Variants in SLC13A2 observed in about 807,000 individuals in gnomAD.
SLC13A2 encodes the protein Na(+)-coupled citrate transporter.
A neutral mutation model predicts 58.5 loss-of-function variants in SLC13A2; 40 were observed. The ratio of observed to expected loss-of-function variants is 0.68; its 90% CI spans 0.53 to 0.89. The LOEUF is 0.89. Ranked by LOEUF, SLC13A2 falls within the 40% of genes least tolerant of loss-of-function variation. The probability of loss-of-function intolerance (pLI) is 0.00; values close to 1 mark genes in which losing one functional copy is unlikely to be tolerated. For missense variants in SLC13A2, 694 were observed against 772.6 expected, an observed-to-expected ratio of 0.90 and a Z score of 1.21; for synonymous variants, 341 against 331.6, an observed-to-expected ratio of 1.03 and a Z score of -0.31.
In SLC13A2 at chr17:28,494,237, G is replaced by A. The variant is rs926067705; in HGVS notation, c.1186+132G>A. 1.1e-4 allele frequency: 165 copies of A among 1,496,512 alleles called. 3 individuals are homozygous for A. In the Admixed American group the frequency reaches 2.9e-3, roughly 27 times the overall value. The allele number at this position is 1,496,512 out of a possible 1,614,324, so 92.7% of individuals were successfully genotyped here. ...GCTGGAGCGACTTGCCAAGGGCACA[G>A]GGACTCGGAGACAAAGTTGAGATGT... is the stretch of plus-strand genomic sequence containing the variant. On this transcript the variant is annotated intron_variant, in intron 8 of 11. Transcript: ENST00000314669. The surrounding 1 kb of genome is among the most constrained non-coding windows in gnomAD (Gnocchi z 4.0).
chr17:28,485,510 A>G (rs2068863710), intron 1 of SLC13A2, among the ~76,000 whole-genome samples: 2 of 152,150 alleles, frequency 1.3e-5, no homozygotes, highest in Admixed American at 1.3e-4. Flanking sequence ...CTGTGTGCCT[A>G]AGAAGAAAAG....
chr17:28,482,176 T>TGCCCAGCTAA (rs2151448425), intron 1 of SLC13A2, among the ~76,000 whole-genome samples: 1 of 152,138 alleles, frequency 6.6e-6, no homozygotes, highest in East Asian at 1.9e-4. Flanking sequence ...CATGCCACCA[T>TGCCCAGCTAA]GCCCAGCTAA....
At chr17:28,497,020 G>A in intron 11 of SLC13A2, 79 bp from the exon 12 acceptor site, 1 of 1,485,116 alleles carries the variant, frequency 6.7e-7, no homozygotes, top group Non-Finnish European at 9.3e-7. Context: ...GAGGGCTCCT[G>A]TGCACCCCCA....
At position 28,496,580 on chromosome 17, in the gene SLC13A2, T is replaced by C. The variant is rs1555604700; in HGVS notation, c.1601T>C (p.Leu534Ser). 6.2e-7 allele frequency: 1 copy of C among 1,612,164 alleles called. No individual in the cohort carries two copies. Among genetic ancestry groups the C allele is most frequent in the Non-Finnish European group, 8.5e-7 (1 of 1,178,914 alleles). The change falls in exon 11 of 12, where the codon TTG (leucine) becomes TCG (serine). Residue 534 changes from leucine (L) to serine (S), a missense_variant. Leu to Ser is a moderately radical substitution (Grantham distance 145). Transcript: ENST00000314669. This position sits in a 1 kb window ranked among gnomAD's most constrained non-coding sequence, Gnocchi z 4.2. ...TTCTCTTTCGGGGACCTCAAAGTGTTGGATATGGTAAGTGGCAGGGAGGCC... is the reference window on the plus strand; with the variant it reads ...TTCTCTTTCGGGGACCTCAAAGTGTCGGATATGGTAAGTGGCAGGGAGGCC... ...IVFSFGDLKVLDMARAGFLLN... is the reference protein window; with the variant it reads ...IVFSFGDLKVSDMARAGFLLN...
chr17:28,485,861 GAC>G (rs1444794897), intron 1 of SLC13A2, among the ~76,000 whole-genome samples: 1 of 151,958 alleles, frequency 6.6e-6, no homozygotes, highest in Non-Finnish European at 1.5e-5. Flanking sequence ...TGGGCGTTGT[GAC>G]ACATGCCTGT....
intron 1 of SLC13A2, among the ~76,000 whole-genome samples, chr17:28,477,532 A>C (rs2068710197): frequency 6.6e-6 from 1 of 152,088 alleles, no homozygotes. Context: ...AGGAATGTGC[A>C]CACAGTGGAT....
chr17:28,496,479 C>A lies in SLC13A2; in HGVS notation c.1500C>A (p.Tyr500Ter). The A allele has an allele frequency of 6.2e-7, 1 of 1,610,886 alleles. No homozygotes were observed. The highest frequency in any genetic ancestry group is 8.5e-7 in the Non-Finnish European group (1 of 1,177,888). The change falls in exon 11 of 12, where the codon TAC (tyrosine) becomes TAA (stop). Residue 500 changes from tyrosine (Y) to a stop codon, truncating the protein, a stop_gained. Coordinates refer to ENST00000314669, the MANE Select transcript of SLC13A2 (RefSeq NM_003984.4). LOFTEE classifies it high-confidence loss of function. The surrounding 1 kb of genome is among the most constrained non-coding windows in gnomAD (Gnocchi z 4.2). ...MAQAICLHPL[Y>*]VMLPCTLATS... ...AGGCCATCTGCCTCCACCCTCTCTA[C>A]GTCATGCTCCCCTGCACTCTGGCCA...
intron 1 of SLC13A2, among the ~76,000 whole-genome samples, chr17:28,474,290 A>T (rs1305321804): frequency 6.6e-6 from 1 of 151,592 alleles, no homozygotes; most frequent in East Asian, 1.9e-4. Flanking sequence ...GAAGAGAAAG[A>T]GTTCACCTGT....
chr17:28,494,072 C>T lies in SLC13A2; in HGVS notation c.1153C>T (p.Pro385Ser), dbSNP rs45546232. Residue 385 changes from proline to serine, a missense_variant, in exon 8 of 12, where the codon CCC (proline) becomes TCC (serine). By Grantham distance (74) the Pro-to-Ser change is moderately conservative. Transcript: ENST00000314669. The surrounding 1 kb of genome is among the most constrained non-coding windows in gnomAD (Gnocchi z 4.0). ...CATCGGCATAATTATGTTCATCATACCCTCCAAGTTCCCAGGGCTGACCCA... is the reference window on the plus strand; with the variant it reads ...CATCGGCATAATTATGTTCATCATATCCTCCAAGTTCCCAGGGCTGACCCA... Reference protein sequence around the residue: ...IFIGIIMFIIPSKFPGLTQDP... With the variant: ...IFIGIIMFIISSKFPGLTQDP... 5.8e-5 allele frequency: 93 copies of T among 1,613,698 alleles called. No homozygotes were observed. In the East Asian group the frequency reaches 1.6e-3, roughly 27 times the overall value.
At chr17:28,476,426 A>G (rs2068672076) in intron 1 of SLC13A2, among the ~76,000 whole-genome samples, 1 of 151,840 alleles carries the variant, frequency 6.6e-6, no homozygotes, top group Non-Finnish European at 1.5e-5. Context: ...AAACAAACAA[A>G]AAAACCCTAC....
intron 1 of SLC13A2, among the ~76,000 whole-genome samples, chr17:28,483,829 A>C (rs1461970227): frequency 6.6e-6 from 1 of 152,224 alleles, no homozygotes; most frequent in Admixed American, 6.5e-5. Context: ...AGGTTAAGTA[A>C]CTTGCCCAAG....
intron 1 of SLC13A2, among the ~76,000 whole-genome samples, chr17:28,476,777 C>A (rs1436802898): frequency 6.6e-6 from 1 of 152,204 alleles, no homozygotes; most frequent in Middle Eastern, 3.2e-3. Flanking sequence ...TGGCTTCCTG[C>A]ACTAGAATGT....
chr17:28,490,184 G>A (rs1326797112), intron 2 of SLC13A2: 1 of 893,164 alleles, frequency 1.1e-6, no homozygotes, highest in Non-Finnish European at 1.6e-6. Context: ...TGAGGTGGGA[G>A]GATGGTTTGA....
chr17:28,474,156 C>T (rs893208401), intron 1 of SLC13A2, among the ~76,000 whole-genome samples: 4 of 152,230 alleles, frequency 2.6e-5, no homozygotes, highest in East Asian at 1.9e-4. Flanking sequence ...GGCTCCATGG[C>T]GGCTGAGATG....
intron 2 of SLC13A2, chr17:28,490,196 C>G: frequency 9.5e-7 from 1 of 1,056,456 alleles, no homozygotes; most frequent in Non-Finnish European, 1.3e-6. Flanking sequence ...ATGGTTTGAG[C>G]CAAGGAGGTG....
rs988869657 is a variant in SLC13A2, at chr17:28,494,493, C to A, written c.1289C>A (p.Ala430Asp). The A allele has an allele frequency of 1.9e-6, 3 of 1,613,918 alleles. No individual in the cohort carries two copies. The highest frequency in any genetic ancestry group is 1.7e-6 in the Non-Finnish European group (2 of 1,179,884). The change falls in exon 9 of 12, where the codon GCC becomes GAC. Residue 430 changes from alanine (A) to aspartate (D), a missense_variant. Ala to Asp is a moderately radical substitution (Grantham distance 126, BLOSUM62 -2). Transcript: ENST00000314669. This position sits in a 1 kb window ranked among gnomAD's most constrained non-coding sequence, Gnocchi z 4.0. ...GTGTTATTGCTGGGTGGTGGCTATG[C>A]CCTGGCCAAGGGCAGTGAGGTGAGA... Reference protein sequence around the residue: ...NIVLLLGGGYALAKGSERSGL... With the variant: ...NIVLLLGGGYDLAKGSERSGL...
At chr17:28,477,331 C>T (rs537467694) in intron 1 of SLC13A2, among the ~76,000 whole-genome samples, 43 of 151,468 alleles carry the variant, frequency 2.8e-4, no homozygotes, top group Admixed American at 7.9e-4. Flanking sequence ...GTAGCTGGGA[C>T]TACAGTCACC....
rs999148638 is a variant in SLC13A2, at chr17:28,481,426, A to T, written c.102+7612A>T. ...CCATCACGTGCAACTTGAGGCAGGC[A>T]TGGGGTGGGAAAGCTTTAGAATGGT... On this transcript the variant is annotated intron_variant, in intron 1 of 11. Coordinates refer to ENST00000314669, the MANE Select transcript of SLC13A2 (RefSeq NM_003984.4). Among the ~76,000 whole-genome samples, 5 of 152,326 alleles carry T rather than the reference A, an allele frequency of 3.3e-5. No individual in the cohort carries two copies. In the South Asian group the frequency reaches 1.0e-3, roughly 32 times the overall value.
At chr17:28,475,713 G>A (rs1165688189) in intron 1 of SLC13A2, among the ~76,000 whole-genome samples, 2 of 152,142 alleles carry the variant, frequency 1.3e-5, no homozygotes, top group Non-Finnish European at 2.9e-5. Context: ...ATTTGTCACA[G>A]CTGTCACCCC....
Sources: allele counts gnomAD v4.1 joint callset (sites outside exome capture counted in the v4.1 genomes callset), GRCh38; gene constraint gnomAD v4.1.1; non-coding constraint Gnocchi (gnomAD v3.1); transcripts MANE v1.5; gene names NCBI Gene and HGNC (gene_info 2026-07-23, HGNC 2026-07-21).